Variants in PDS5B observed in about 807,000 individuals in gnomAD.
PDS5B encodes sister chromatid cohesion protein PDS5 homolog B.
In PDS5B, 51 loss-of-function variants were observed where a neutral mutation model predicts 184.1. That is an observed-to-expected ratio of 0.28 (90% CI 0.22 to 0.35). PDS5B has a LOEUF of 0.35. PDS5B is among the 10% of genes least tolerant of loss of function. The pLI is 1.00. For missense variants in PDS5B, 1,180 were observed against 1,723.3 expected (o/e 0.68, Z 5.58); for synonymous variants, 566 against 569.2 (o/e 0.99, Z 0.08).
intron 7 of PDS5B, among the ~76,000 whole-genome samples, chr13:32,670,846 G>A (rs1950917656): frequency 6.6e-6 from 1 of 152,114 alleles, no homozygotes; most frequent in Non-Finnish European, 1.5e-5. Flanking sequence ...TGCAATGCTT[G>A]GGTGGTGGTG....
intron 19 of PDS5B, among the ~76,000 whole-genome samples, chr13:32,724,940 C>A (rs981462022): frequency 1.3e-5 from 2 of 152,106 alleles, no homozygotes; most frequent in Non-Finnish European, 2.9e-5. Flanking sequence ...GATTCTGGTT[C>A]AACTTTTTTA....
chr13:32,605,559 G>T (rs1335741451), intron 1 of PDS5B, among the ~76,000 whole-genome samples: 1 of 152,206 alleles, frequency 6.6e-6, no homozygotes, highest in Non-Finnish European at 1.5e-5. Flanking sequence ...TTGATTTGGG[G>T]TGGAGAGTTC....
intron 8 of PDS5B, among the ~76,000 whole-genome samples, chr13:32,674,903 G>C (rs557945219): frequency 6.6e-6 from 1 of 150,968 alleles, no homozygotes; most frequent in East Asian, 1.9e-4. Context: ...AGCTGATTCC[G>C]AGTTTTGGGG....
At chr13:32,756,951 C>T (rs1037182323) in intron 26 of PDS5B, among the ~76,000 whole-genome samples, 5 of 151,908 alleles carry the variant, frequency 3.3e-5, no homozygotes, top group East Asian at 1.9e-4. Flanking sequence ...GGCAAAACCC[C>T]GTCTCTACTA....
At chr13:32,742,806 CTTTTTCT>C in intron 23 of PDS5B, 79 bp downstream of exon 23, 1 of 1,254,292 alleles carries the variant, frequency 8.0e-7, no homozygotes, top group Non-Finnish European at 1.1e-6. Flanking sequence ...GGTGCTGTTT[CTTTTTCT>C]TTTTTTTTTA....
intron 6 of PDS5B, among the ~76,000 whole-genome samples, chr13:32,663,695 A>T (rs1227802393): frequency 6.7e-6 from 1 of 150,098 alleles, no homozygotes; most frequent in Non-Finnish European, 1.5e-5. Context: ...AACATGCTTT[A>T]AAAAAAATTT....
At chr13:32,625,495 T>C (rs1471351197) in intron 1 of PDS5B, among the ~76,000 whole-genome samples, 2 of 152,226 alleles carry the variant, frequency 1.3e-5, no homozygotes, top group Non-Finnish European at 2.9e-5. Context: ...CATAACCTGT[T>C]GTGATTCTCA....
chr13:32,776,996 C>T lies in PDS5B; in HGVS notation c.*1944C>T, dbSNP rs1210869412. On this transcript the variant is annotated 3_prime_UTR_variant, in exon 35 of 35. Coordinates refer to ENST00000315596, the MANE Select transcript of PDS5B (RefSeq NM_015032.4). ...TTTGAAATGTTTCCTTAGCTCGGTT[C>T]TCCCAAACACATAATTTCTGTTTCA... is the stretch of plus-strand genomic sequence containing the variant. The T allele has an allele frequency of 6.6e-6, 1 of 152,358 alleles. No individual in the cohort carries two copies. Among genetic ancestry groups the T allele is most frequent in the Admixed American group, 6.6e-5 (1 of 15,250 alleles). The allele number at this position is 152,358 out of a possible 1,614,324, so 9.4% of individuals were successfully genotyped here. A position where few individuals can be genotyped will look rare whatever the true frequency, so the allele number is the denominator to read the frequency against.
At chr13:32,714,318 C>T (rs1316301729) in intron 19 of PDS5B, among the ~76,000 whole-genome samples, 5 of 152,016 alleles carry the variant, frequency 3.3e-5, no homozygotes, top group Non-Finnish European at 4.4e-5. Context: ...GCGGGAATTT[C>T]CTCTTCCTAA....
chr13:32,738,039 G>A (rs951922587), intron 21 of PDS5B, among the ~76,000 whole-genome samples: 15 of 152,016 alleles, frequency 9.9e-5, no homozygotes, highest in African/African-American at 3.6e-4. Context: ...AATAATCTTC[G>A]TTACTAAATC....
At chr13:32,614,271 C>T (rs192391480) in intron 1 of PDS5B, among the ~76,000 whole-genome samples, 8 of 151,124 alleles carry the variant, frequency 5.3e-5, no homozygotes, top group East Asian at 1.9e-4. Flanking sequence ...AGAAAATCAG[C>T]GGGGATTCAC....
chr13:32,685,860 G>C (rs1017827293), intron 11 of PDS5B, among the ~76,000 whole-genome samples: 1 of 151,818 alleles, frequency 6.6e-6, no homozygotes, highest in Non-Finnish European at 1.5e-5. Flanking sequence ...GGCTGGTCTC[G>C]AATTCCTGGT....
chr13:32,678,786 T>C (rs771377893), intron 9 of PDS5B, 49 bp from the exon 10 acceptor site: 17 of 1,012,076 alleles, frequency 1.7e-5, no homozygotes. Context: ...TTAACACATG[T>C]CTGTTTCTCT....
chr13:32,661,645 C>T (rs907378096), intron 6 of PDS5B, among the ~76,000 whole-genome samples: 2 of 151,304 alleles, frequency 1.3e-5, no homozygotes, highest in Admixed American at 6.6e-5. Context: ...TGGTTAAAGC[C>T]GTTAATTTAT....
intron 25 of PDS5B, among the ~76,000 whole-genome samples, chr13:32,754,526 C>T (rs892006500): frequency 3.9e-5 from 6 of 152,120 alleles, no homozygotes; most frequent in African/African-American, 1.2e-4. Context: ...ATGGTTGACA[C>T]CTTTTGAATG....
intron 24 of PDS5B, among the ~76,000 whole-genome samples, chr13:32,750,092 G>T (rs961555110): frequency 2.6e-5 from 4 of 152,146 alleles, no homozygotes; most frequent in African/African-American, 9.7e-5. Context: ...GTACCTATGT[G>T]TGTGTCATCA....
At chr13:32,655,421 C>G (rs1482811423) in intron 3 of PDS5B, among the ~76,000 whole-genome samples, 1 of 103,418 alleles carries the variant, frequency 9.7e-6, no homozygotes, top group Admixed American at 1.2e-4. Flanking sequence ...CACCGTTGCT[C>G]AGGCTGGAGT....
chr13:32,766,178 A>G (rs1392059130), intron 31 of PDS5B, among the ~76,000 whole-genome samples: 1 of 152,188 alleles, frequency 6.6e-6, no homozygotes, highest in East Asian at 1.9e-4. Flanking sequence ...GATGTATTTC[A>G]TTTGTTGGAA....
In PDS5B at chr13:32,776,144, A is replaced by G. The variant is rs765413919; in HGVS notation, c.*1092A>G. ...TTTTATAGTGAGTTGCATGTTTTTG[A>G]AAAAAAGTGCTGAAAATGGGATGTG... On this transcript the variant is annotated 3_prime_UTR_variant, in exon 35 of 35. Coordinates refer to ENST00000315596, the MANE Select transcript of PDS5B (RefSeq NM_015032.4). 1 of 152,994 alleles carries G rather than the reference A, an allele frequency of 6.5e-6. No homozygotes were observed. The highest frequency in any genetic ancestry group is 1.5e-5 in the Non-Finnish European group (1 of 68,394). The allele number at this position is 152,994 out of a possible 1,614,324, so 9.5% of individuals were successfully genotyped here. A position where few individuals can be genotyped will look rare whatever the true frequency, so the allele number is the denominator to read the frequency against.
Sources: gnomAD v4.1 joint callset for allele counts (sites outside exome capture counted in the v4.1 genomes callset) on GRCh38, gnomAD v4.1.1 for gene constraint, MANE v1.5 for transcripts, NCBI Gene and HGNC (gene_info 2026-07-23, HGNC 2026-07-21) for gene names.